PLCXD1: variants seen among roughly 807,000 people sequenced by gnomAD.
PLCXD1 encodes the protein PI-PLC X domain-containing protein 1.
A neutral mutation model predicts 37.8 loss-of-function variants in PLCXD1; 45 were observed. The ratio of observed to expected loss-of-function variants is 1.19; its 90% CI spans 0.94 to 1.53. The LOEUF is 1.53. Among genes scored for constraint, PLCXD1 ranks in the 40% most tolerant of loss-of-function variants. The pLI is 0.00. For missense variants in PLCXD1, 539 were observed against 454.7 expected, an observed-to-expected ratio of 1.19 and a Z score of -1.69; for synonymous variants, 246 against 206.9, an observed-to-expected ratio of 1.19 and a Z score of -1.62.
intron 1 of PLCXD1, 72 bp downstream of exon 1, chrX:281,756 C>T (rs756869820): frequency 6.6e-6 from 1 of 152,384 alleles, no homozygotes; most frequent in African/African-American, 2.4e-5. Context: ...CCCTTCCTCT[C>T]TGTCCCATTT....
chrX:286,917 A>G (rs1602856813), intron 2 of PLCXD1, among the ~76,000 whole-genome samples: 1 of 151,124 alleles, frequency 6.6e-6, no homozygotes, highest in African/African-American at 2.4e-5. Context: ...TTAGCTCAAG[A>G]TCGGGGGAGC....
intron 5 of PLCXD1, among the ~76,000 whole-genome samples, chrX:292,682 G>A (rs770136910): frequency 1.4e-4 from 22 of 151,770 alleles, no homozygotes; most frequent in Middle Eastern, 6.8e-3. Flanking sequence ...GCGAAACCTC[G>A]GCTCACCGCA....
chrX:296,736 C>T (rs1368583001), intron 6 of PLCXD1, among the ~76,000 whole-genome samples: 1 of 152,244 alleles, frequency 6.6e-6, no homozygotes, highest in Non-Finnish European at 1.5e-5. Flanking sequence ...CTGTCTATCA[C>T]ATGGGGGATA....
chrX:290,733 AC>A lies in PLCXD1; in HGVS notation c.352del (p.Leu118CysfsTer42). The A allele has an allele frequency of 6.2e-7, 1 of 1,613,618 alleles. No individual in the cohort carries two copies. Among genetic ancestry groups the A allele is most frequent in the Non-Finnish European group, 8.5e-7 (1 of 1,179,822 alleles). The part of the protein sequence containing the change: ...IAHMLEGSEK[N>X]LHFVHMVYTT... The stretch of plus-strand genomic sequence containing the variant: ...CACATGCTGGAGGGCTCGGAGAAGA[AC>A]CTGCACTTTGTCCATATGGTGTACA... On this transcript the variant is annotated frameshift_variant, in exon 4 of 7. Coordinates refer to ENST00000381657, the MANE Select transcript of PLCXD1 (RefSeq NM_018390.4). LOFTEE classifies it high-confidence loss of function.
At chrX:286,549 A>T (rs1054348331) in intron 2 of PLCXD1, among the ~76,000 whole-genome samples, 29 of 152,090 alleles carry the variant, frequency 1.9e-4, no homozygotes, top group Non-Finnish European at 3.4e-4. Context: ...CGAGCTCCTT[A>T]AAAAAGAAAT....
In PLCXD1 at chrX:299,096, G is replaced by T. The variant is rs1569564723; in HGVS notation, c.734-1G>T. The T allele has an allele frequency of 1.2e-5, 19 of 1,608,892 alleles. No individual in the cohort carries two copies. The highest frequency in any genetic ancestry group is 1.5e-5 in the Non-Finnish European group (18 of 1,175,222). ...ACCTCTCCCCACCCTCACCGTTGCAGGAGGGTTGTTCGTGGCCGGCATCAA... is the reference window on the plus strand; with the variant it reads ...ACCTCTCCCCACCCTCACCGTTGCATGAGGGTTGTTCGTGGCCGGCATCAA... On this transcript the variant is annotated splice_acceptor_variant, in intron 6 of 6. Transcript: ENST00000381657. LOFTEE classifies it high-confidence loss of function.
At position 292,182 on chromosome X, in the gene PLCXD1, G is replaced by A. The variant is rs1287377922; in HGVS notation, c.549+528G>A. ...GGGTGTGGCGGTGGGTGTGCCGGAC[G>A]CAGTGGCTCACACCTGTCATCCCAG... On this transcript the variant is annotated intron_variant, in intron 5 of 6. Transcript: ENST00000381657. Among the ~76,000 whole-genome samples, 7 of 151,882 alleles carry A rather than the reference G, an allele frequency of 4.6e-5. No homozygotes were observed. The East Asian group carries it at 5.8e-4, about 13-fold the overall frequency.
upstream of PLCXD1, among the ~76,000 whole-genome samples, chrX:279,377 C>G (rs1298479305): frequency 6.6e-6 from 1 of 152,186 alleles, no homozygotes; most frequent in East Asian, 1.9e-4. Context: ...AGAGGCCTGA[C>G]AGGTTCAATC....
chrX:295,446 C>T (rs952339881), intron 6 of PLCXD1, among the ~76,000 whole-genome samples: 1 of 151,938 alleles, frequency 6.6e-6, no homozygotes, highest in Non-Finnish European at 1.5e-5. Flanking sequence ...AACCCAGTCA[C>T]GGGCCGGGCA....
chrX:292,945 GCCGGTGTCCCGACTTCCCAGC>G, intron 5 of PLCXD1, 69 bp from the exon 6 acceptor site: 1 of 854,374 alleles, frequency 1.2e-6, no homozygotes, highest in Non-Finnish European at 1.8e-6. Flanking sequence ...CTCGTGTTGG[GCCGGTGTCCCGACTTCCCAGC>G]CCTCCGCTCT....
chrX:288,886 G>C lies in PLCXD1; in HGVS notation c.264+17G>C. The C allele has an allele frequency of 6.2e-7, 1 of 1,611,214 alleles. No individual in the cohort carries two copies. The highest frequency in any genetic ancestry group is 8.5e-7 in the Non-Finnish European group (1 of 1,178,980). ...GTCACCCAGGTACGGTCTGTGCCCC[G>C]TGCTGCTGACCTGGCCTGTCAGCTA... On this transcript the variant is annotated intron_variant, in intron 3 of 6. Coordinates refer to ENST00000381657, the MANE Select transcript of PLCXD1 (RefSeq NM_018390.4).
At chrX:295,563 T>C (rs1419375799) in intron 6 of PLCXD1, among the ~76,000 whole-genome samples, 1 of 151,724 alleles carries the variant, frequency 6.6e-6, no homozygotes, top group Non-Finnish European at 1.5e-5. Context: ...TCACTCTTGT[T>C]GCCCCGGTCG....
At position 300,407 on chromosome X, in the gene PLCXD1, T is replaced by C. The variant is rs1210225611; in HGVS notation, c.*1072T>C. ...ATATGTGTGTTTATGTGTCTGTGTG[T>C]ATATATGTGTATATATCGGTGTGTA... On this transcript the variant is annotated 3_prime_UTR_variant, in exon 7 of 7. Coordinates refer to ENST00000381657, the MANE Select transcript of PLCXD1 (RefSeq NM_018390.4). 1 of 150,930 alleles carries C rather than the reference T, an allele frequency of 6.6e-6. No homozygotes were observed. Among genetic ancestry groups the C allele is most frequent in the African/African-American group, 2.4e-5 (1 of 41,108 alleles). The allele number at this position is 150,930 out of a possible 1,614,324, so 9.3% of individuals were successfully genotyped here.
chrX:284,523 C>G (rs2069381996), intron 2 of PLCXD1, among the ~76,000 whole-genome samples: 1 of 152,216 alleles, frequency 6.6e-6, no homozygotes, highest in Non-Finnish European at 1.5e-5. Flanking sequence ...TAGTCATGGA[C>G]ATGCACAGAC....
chrX:291,938 C>T (rs1002753536), intron 5 of PLCXD1, among the ~76,000 whole-genome samples: 4 of 151,964 alleles, frequency 2.6e-5, no homozygotes, highest in Non-Finnish European at 4.4e-5. Context: ...GAGGCCGAGG[C>T]GGGTGGATCA....
chrX:285,619 G>A (rs185456936), intron 2 of PLCXD1, among the ~76,000 whole-genome samples: 5,991 of 150,732 alleles, frequency 0.04, 177 homozygotes, highest in East Asian at 0.1. Flanking sequence ...GTGTACACAG[G>A]CACACATGCA....
chrX:287,414 A>G (rs949567619), intron 2 of PLCXD1, among the ~76,000 whole-genome samples: 2 of 142,578 alleles, frequency 1.4e-5, no homozygotes, highest in South Asian at 2.1e-4. Context: ...AATATATACT[A>G]ATATATGTTT....
chrX:299,030 C>G (rs2069906364), intron 6 of PLCXD1, 67 bp from the exon 7 acceptor site: 5 of 1,167,432 alleles, frequency 4.3e-6, no homozygotes, highest in Non-Finnish European at 2.6e-6. Context: ...AATAATGTGA[C>G]TAGGAGGGAG....
rs776867732 is a variant in PLCXD1 at position 281,664 on chromosome X, C to T, written c.-42C>T. 3 of 152,264 alleles carry T rather than the reference C, an allele frequency of 2.0e-5. No individual in the cohort carries two copies. Among genetic ancestry groups the T allele is most frequent in the South Asian group, 4.1e-4 (2 of 4,820 alleles). The allele number at this position is 152,264 out of a possible 1,614,324, so 9.4% of individuals were successfully genotyped here. ...GACCAACAATTCGAATTCCGAACTCCCCCTGCGTGTGGGACTCAAGGTGGG... is the reference window on the plus strand; with the variant it reads ...GACCAACAATTCGAATTCCGAACTCTCCCTGCGTGTGGGACTCAAGGTGGG... On this transcript the variant is annotated 5_prime_UTR_variant, in exon 1 of 7. Transcript: ENST00000381657.
Sources: allele counts gnomAD v4.1 joint callset (sites outside exome capture counted in the v4.1 genomes callset), GRCh38; gene constraint gnomAD v4.1.1; transcripts MANE v1.5; gene names NCBI Gene and HGNC (gene_info 2026-07-23, HGNC 2026-07-21).